TRPM3: variants seen among roughly 807,000 people sequenced by gnomAD.
TRPM3 encodes the protein long transient receptor potential channel 3.
TRPM3 carries 77 observed loss-of-function variants against 181.2 expected under a neutral mutation model. That is an observed-to-expected ratio of 0.42 (90% CI 0.35 to 0.51). The LOEUF (loss-of-function observed/expected upper bound fraction) is 0.51. Ranked by LOEUF, TRPM3 falls within the 20% of genes least tolerant of loss-of-function variation. The pLI is 0.01. For synonymous variants in TRPM3, 745 were observed against 796.4 expected (o/e 0.94, Z 1.09); for missense variants, 1,759 against 2,196.7 (o/e 0.80, Z 3.98).
intron 1 of TRPM3, among the ~76,000 whole-genome samples, chr9:71,281,160 AGTCGGGAGGTGT>A (rs1301990367): frequency 1.3e-5 from 2 of 152,208 alleles, no homozygotes; most frequent in Non-Finnish European, 2.9e-5. Context: ...ACAAAAGCAA[AGTCGGGAGGTGT>A]GTCAAAGTGA....
chr9:71,015,576 T>C (rs949672906), intron 1 of TRPM3, among the ~76,000 whole-genome samples: 2 of 152,224 alleles, frequency 1.3e-5, no homozygotes, highest in Non-Finnish European at 2.9e-5. Context: ...CAAGTGGTTG[T>C]AAACTGCTAT....
At chr9:71,135,718 C>T (rs1398727506) in intron 1 of TRPM3, among the ~76,000 whole-genome samples, 2 of 152,096 alleles carry the variant, frequency 1.3e-5, no homozygotes, top group African/African-American at 4.8e-5. Flanking sequence ...GTTTTGCATG[C>T]TACTCAAGTT....
chr9:70,884,821 C>T (rs540751694), intron 1 of TRPM3, among the ~76,000 whole-genome samples: 64 of 152,272 alleles, frequency 4.2e-4, no homozygotes, highest in African/African-American at 1.5e-3. Context: ...TGACTTGAGG[C>T]AAAACTCCTG....
Position 71,185,915 on chromosome 9 carries a change from C to G in TRPM3, c.183+260738G>C, listed in dbSNP as rs537460957. On this transcript the variant is annotated intron_variant, in intron 1 of 24. Coordinates refer to the TRPM3 transcript ENST00000357533. ...GTACTGCAAACTGGGTGGCTTAAAACAGCAGAAATGTATTGTCTCACAATA... is the reference window on the plus strand; with the variant it reads ...GTACTGCAAACTGGGTGGCTTAAAAGAGCAGAAATGTATTGTCTCACAATA... Among the ~76,000 whole-genome samples, 6 of 152,216 alleles carry G rather than the reference C, an allele frequency of 3.9e-5. 1 individual carries two copies. In the East Asian group the frequency reaches 1.2e-3, roughly 29 times the overall value.
chr9:70,810,934 A>G (rs1686297276), intron 6 of TRPM3, among the ~76,000 whole-genome samples: 1 of 152,174 alleles, frequency 6.6e-6, no homozygotes, highest in Admixed American at 6.5e-5. Flanking sequence ...ATAAATGCTC[A>G]TTCCCTCCTA....
chr9:70,840,100 T>C (rs1041490176), intron 5 of TRPM3, among the ~76,000 whole-genome samples: 2 of 152,298 alleles, frequency 1.3e-5, no homozygotes, highest in Admixed American at 6.5e-5. Flanking sequence ...CTTTTAGCTA[T>C]CATATTGGAA....
At chr9:70,658,050 TAAAGGTTATA>T (rs1327734232) in intron 9 of TRPM3, among the ~76,000 whole-genome samples, 1 of 152,186 alleles carries the variant, frequency 6.6e-6, no homozygotes, top group Non-Finnish European at 1.5e-5. Flanking sequence ...GACTCCCTAA[TAAAGGTTATA>T]AAAGGCTTAT....
At chr9:71,001,265 T>C (rs2097597227) in intron 1 of TRPM3, among the ~76,000 whole-genome samples, 1 of 152,194 alleles carries the variant, frequency 6.6e-6, no homozygotes, top group Admixed American at 6.5e-5. Context: ...CACATGGGGC[T>C]CATGTCTATA....
At chr9:70,838,989 G>T (rs1932926) in intron 5 of TRPM3, among the ~76,000 whole-genome samples, 80,305 of 151,796 alleles carry the variant, frequency 0.53, 21,872 homozygotes, top group Non-Finnish European at 0.56. Flanking sequence ...CTGTTTTACC[G>T]CCACACCCAA....
Position 71,081,175 on chromosome 9 carries a change from T to A in TRPM3, c.177+40003A>T, listed in dbSNP as rs2064268879. Among the ~76,000 whole-genome samples the A allele has an allele frequency of 2.0e-5, 3 of 152,266 alleles. 1 individual carries two copies. Among genetic ancestry groups the A allele is most frequent in the African/African-American group, 7.2e-5 (3 of 41,542 alleles). On this transcript the variant is annotated intron_variant, in intron 1 of 25. Transcript: ENST00000677713. The stretch of plus-strand genomic sequence containing the variant: ...GAAATGTACTCTGCCTTTACAAGTA[T>A]AAAGAGGAGCAATGGCTATAATATG...
Position 70,747,490 on chromosome 9 carries a change from C to G in TRPM3, c.1272+14111G>C, listed in dbSNP as rs141969342. 3.9e-3 allele frequency among the ~76,000 whole-genome samples: 595 copies of G among 152,236 alleles called. 6 individuals are homozygous for G. Among genetic ancestry groups the G allele is most frequent in the African/African-American group, 0.014 (574 of 41,554 alleles). The stretch of plus-strand genomic sequence containing the variant: ...TTTTGGACTGAAACTGCAGGCAAAA[C>G]ATTCTACTTTACGTTCAAAAGAGTG... On this transcript the variant is annotated intron_variant, in intron 8 of 25. Coordinates refer to ENST00000677713, the MANE Select transcript of TRPM3 (RefSeq NM_001366145.2).
chr9:71,308,001 A>T, intron 1 of TRPM3, among the ~76,000 whole-genome samples: 1 of 140,396 alleles, frequency 7.1e-6, no homozygotes. Context: ...ATGGAGTTTC[A>T]CTCTTGTCGC....
chr9:71,394,055 C>T (rs980108594), intron 1 of TRPM3, among the ~76,000 whole-genome samples: 3 of 152,100 alleles, frequency 2.0e-5, no homozygotes, highest in African/African-American at 7.2e-5. Context: ...TTTCATTAGA[C>T]CCTCAAAGAC....
chr9:70,624,846 G>C (rs1047256478), intron 14 of TRPM3, among the ~76,000 whole-genome samples: 1 of 151,948 alleles, frequency 6.6e-6, no homozygotes, highest in African/African-American at 2.4e-5. Context: ...ACATATAATG[G>C]GATTCCTATG....
intron 18 of TRPM3, among the ~76,000 whole-genome samples, chr9:70,612,780 A>T (rs1213132281): frequency 6.6e-6 from 1 of 152,244 alleles, no homozygotes; most frequent in Non-Finnish European, 1.5e-5. Context: ...CTGAGGTTAC[A>T]TGACATTTGG....
intron 1 of TRPM3, among the ~76,000 whole-genome samples, chr9:71,181,329 T>G (rs1237713173): frequency 6.6e-6 from 1 of 151,416 alleles, no homozygotes. Flanking sequence ...ATAAAAATAT[T>G]TGTTTTGTTT....
chr9:70,997,272 C>T (rs1382897018), intron 1 of TRPM3, among the ~76,000 whole-genome samples: 1 of 152,142 alleles, frequency 6.6e-6, no homozygotes, highest in Non-Finnish European at 1.5e-5. Flanking sequence ...GATGTCAGCT[C>T]ACTGCAGGCT....
chr9:71,351,387 T>C (rs1228072144), intron 1 of TRPM3, among the ~76,000 whole-genome samples: 1 of 152,224 alleles, frequency 6.6e-6, no homozygotes, highest in African/African-American at 2.4e-5. Flanking sequence ...CACACTTCTT[T>C]CTGAAACAAT....
At chr9:70,575,671 G>C (rs1239772693) in intron 22 of TRPM3, among the ~76,000 whole-genome samples, 1 of 152,146 alleles carries the variant, frequency 6.6e-6, no homozygotes, top group Non-Finnish European at 1.5e-5. Context: ...TGTGTGAGAG[G>C]AACACCAAGG....
Sources: allele counts gnomAD v4.1 joint callset (sites outside exome capture counted in the v4.1 genomes callset), GRCh38; gene constraint gnomAD v4.1.1; transcripts MANE v1.5; gene names NCBI Gene and HGNC (gene_info 2026-07-23, HGNC 2026-07-21).